PCDHA5: variants seen among roughly 807,000 people sequenced by gnomAD.
PCDHA5 encodes the protein protocadherin alpha-5.
In PCDHA5, 43 loss-of-function variants were observed where a neutral mutation model predicts 61.6. The observed-to-expected ratio is 0.70, with a 90% CI of 0.55 to 0.90. The LOEUF is 0.90. PCDHA5 is among the 40% of genes least tolerant of loss of function. The probability of loss-of-function intolerance (pLI) is 0.00; values close to 1 mark genes in which losing one functional copy is unlikely to be tolerated. For synonymous variants in PCDHA5, 627 were observed against 543.9 expected (o/e 1.15, Z -2.13); for missense variants, 1,298 against 1,222.7 (o/e 1.06, Z -0.92).
chr5:140,844,090 A>G (rs1779217749), intron 1 of PCDHA5, among the ~76,000 whole-genome samples: 1 of 149,658 alleles, frequency 6.7e-6, no homozygotes. Context: ...CTGAACTCTT[A>G]ATCTTACTCC....
At chr5:140,830,375 G>T (rs1372928011) in intron 1 of PCDHA5, 3 of 1,614,054 alleles carry the variant, frequency 1.9e-6, no homozygotes, top group African/African-American at 2.7e-5. Flanking sequence ...GTGCTCCGGG[G>T]AGGGCCCACC....
rs112749867 is a variant in PCDHA5 at position 140,870,111 on chromosome 5, G to T, written c.2352+45984G>T. On this transcript the variant is annotated intron_variant, in intron 1 of 3. Coordinates refer to ENST00000529859, the MANE Select transcript of PCDHA5 (RefSeq NM_018908.3). ...CAATGGCAGGTCACTGTACAGTCTG[G>T]GTGGAAATCTTGGACACCAACGATA... is the stretch of plus-strand genomic sequence containing the variant. 32 of 1,613,880 alleles carry T rather than the reference G, an allele frequency of 2.0e-5. 1 individual carries two copies. In the African/African-American group the frequency reaches 2.0e-4, roughly 10 times the overall value.
At chr5:140,850,843 CA>C in intron 1 of PCDHA5, 1 of 1,597,346 alleles carries the variant, frequency 6.3e-7, no homozygotes, top group Non-Finnish European at 8.6e-7. Flanking sequence ...GCTGGATCTA[CA>C]GAGCGAACGG....
rs2150112598 is a variant in PCDHA5 at position 140,821,985 on chromosome 5, C to T, written c.210C>T (p.Arg70=). The T allele has an allele frequency of 6.2e-7, 1 of 1,614,156 alleles. No individual in the cohort carries two copies. The highest frequency in any genetic ancestry group is 8.5e-7 in the Non-Finnish European group (1 of 1,180,052). The change falls in exon 1 of 4, where the codon CGC becomes CGT. Residue 70 remains arginine (R), a synonymous_variant. Transcript: ENST00000529859. ...PRLFRVASKG[R]GDLLEVNLQN... ...TGTTCCGGGTGGCGTCCAAGGGCCG[C>T]GGGGACCTTCTGGAGGTAAATCTGC...
At chr5:140,843,145 G>C in intron 1 of PCDHA5, 1 of 1,596,072 alleles carries the variant, frequency 6.3e-7, no homozygotes, top group South Asian at 1.1e-5. Context: ...CGTGGCTTTC[G>C]TATGAGCTGC....
intron 1 of PCDHA5, chr5:140,877,356 T>G (rs1227079705): frequency 9.9e-6 from 16 of 1,613,866 alleles, no homozygotes; most frequent in Non-Finnish European, 1.4e-5. Flanking sequence ...GGCTGTACAC[T>G]GGCGAGATCA....
intron 1 of PCDHA5, chr5:140,828,577 T>C: frequency 6.2e-7 from 1 of 1,614,252 alleles, no homozygotes; most frequent in Non-Finnish European, 8.5e-7. Flanking sequence ...ATGCAGATGT[T>C]GGCTCAAATT....
chr5:140,862,633 G>C, intron 1 of PCDHA5: 5 of 537,306 alleles, frequency 9.3e-6, no homozygotes, highest in Non-Finnish European at 1.9e-5. Context: ...GGGCTGCCAC[G>C]ACTTCACAGT....
intron 1 of PCDHA5, among the ~76,000 whole-genome samples, chr5:140,923,204 C>T (rs1175108066): frequency 1.3e-5 from 2 of 151,950 alleles, no homozygotes; most frequent in Non-Finnish European, 2.9e-5. Flanking sequence ...ATTTGGGAGG[C>T]TAAGGTGAAA....
rs782072957 is a variant in PCDHA5, at chr5:140,870,352, G to T, written c.2352+46225G>T. On this transcript the variant is annotated intron_variant, in intron 1 of 3. Coordinates refer to ENST00000529859, the MANE Select transcript of PCDHA5 (RefSeq NM_018908.3). ...GGACAGCGCCCTGGACCGCGAGAAC[G>T]TGTGGGCCTATGAACTGGTGGTGAC... 9.9e-6 allele frequency: 16 copies of T among 1,614,226 alleles called. No individual in the cohort carries two copies. The South Asian group carries it at 1.3e-4, about 13-fold the overall frequency.
chr5:140,848,205 T>C (rs1781374439), intron 1 of PCDHA5: 1 of 336,638 alleles, frequency 3.0e-6, no homozygotes, highest in Non-Finnish European at 5.4e-6. Flanking sequence ...CAACAATCAT[T>C]ACTTAAGAAA....
chr5:140,875,248 G>A, intron 1 of PCDHA5: 5 of 999,174 alleles, frequency 5.0e-6, no homozygotes, highest in Non-Finnish European at 6.9e-6. Flanking sequence ...TACATAATCA[G>A]TCACATGATG....
intron 3 of PCDHA5, among the ~76,000 whole-genome samples, chr5:140,989,910 G>A (rs941838001): frequency 3.3e-5 from 5 of 152,062 alleles, no homozygotes; most frequent in African/African-American, 1.2e-4. Flanking sequence ...ATCAGAAAAA[G>A]AGGGAGAGCA....
chr5:140,927,309 C>T (rs2084071798), intron 1 of PCDHA5: 4 of 1,614,058 alleles, frequency 2.5e-6, no homozygotes, highest in Admixed American at 1.7e-5. Context: ...TCCTGACGCC[C>T]GGAGCCCGCT....
At chr5:140,925,219 AG>A (rs1324328907) in intron 1 of PCDHA5, among the ~76,000 whole-genome samples, 1 of 152,238 alleles carries the variant, frequency 6.6e-6, no homozygotes, top group Admixed American at 6.5e-5. Context: ...ACTTTTAGGC[AG>A]GTTTCTACCA....
intron 1 of PCDHA5, chr5:140,881,365 T>G (rs1216010175): frequency 2.0e-6 from 2 of 985,144 alleles, no homozygotes; most frequent in Non-Finnish European, 2.4e-6. Context: ...GGCTTTCGTA[T>G]GAATTGCAGC....
chr5:140,855,813 T>A (rs2043631842), intron 1 of PCDHA5: 2 of 511,660 alleles, frequency 3.9e-6, no homozygotes. Flanking sequence ...AAAGAAAAGT[T>A]GTGAACTCAT....
intron 1 of PCDHA5, chr5:140,877,631 C>T: frequency 6.2e-7 from 1 of 1,613,768 alleles, no homozygotes; most frequent in Non-Finnish European, 8.5e-7. Context: ...CTGTACACTG[C>T]GCTGCGTTGC....
rs2042367518 is a variant in PCDHA5 at position 140,852,542 on chromosome 5, C to T, written c.2352+28415C>T. Reference sequence around the variant, plus strand: ...GCTCCCACCTCGGCCTCCCAAAGTGCTGGGATTAAAGCTGTGAGCCACTGT... The same window carrying T: ...GCTCCCACCTCGGCCTCCCAAAGTGTTGGGATTAAAGCTGTGAGCCACTGT... On this transcript the variant is annotated intron_variant, in intron 1 of 3. Transcript: ENST00000529859. 35 of 557,808 alleles carry T rather than the reference C, an allele frequency of 6.3e-5. 3 individuals are homozygous for T. The highest frequency in any genetic ancestry group is 8.0e-5 in the Non-Finnish European group (34 of 426,308). 34.6% of individuals were successfully genotyped at this position (557,808 alleles called of 1,614,324 possible).
Sources: gnomAD v4.1 joint callset for allele counts (sites outside exome capture counted in the v4.1 genomes callset) on GRCh38, gnomAD v4.1.1 for gene constraint, MANE v1.5 for transcripts, NCBI Gene and HGNC (gene_info 2026-07-23, HGNC 2026-07-21) for gene names.